The following TRIO variants were observed in gnomAD, a reference collection of about 807,000 sequenced individuals.
The protein encoded by TRIO is trio Rho guanine nucleotide exchange factor.
A neutral mutation model predicts 351.9 loss-of-function variants in TRIO; 58 were observed. The observed-to-expected ratio is 0.16, with a 90% CI of 0.13 to 0.21. TRIO has a LOEUF of 0.21. TRIO is among the 10% of genes least tolerant of loss of function. The probability of loss-of-function intolerance (pLI) is 1.00; values close to 1 mark genes in which losing one functional copy is unlikely to be tolerated. For missense variants in TRIO, 3,201 were observed against 4,027.8 expected, an observed-to-expected ratio of 0.79 and a Z score of 5.56; for synonymous variants, 1,758 against 1,595.7, an observed-to-expected ratio of 1.10 and a Z score of -2.42.
chr5:14,145,220 G>A (rs529122091), intron 1 of TRIO, among the ~76,000 whole-genome samples: 2 of 152,342 alleles, frequency 1.3e-5, no homozygotes, highest in South Asian at 4.1e-4. Flanking sequence ...GGGTCACGAG[G>A]AGCAATTGCA....
intron 49 of TRIO, among the ~76,000 whole-genome samples, chr5:14,494,958 G>A (rs1425284761): frequency 1.3e-5 from 2 of 152,246 alleles, no homozygotes; most frequent in African/African-American, 4.8e-5. Flanking sequence ...CATAGGCAGT[G>A]ATGCCTCCAG....
chr5:14,162,907 A>G (rs931244857), intron 1 of TRIO, among the ~76,000 whole-genome samples: 1 of 152,134 alleles, frequency 6.6e-6, no homozygotes, highest in Non-Finnish European at 1.5e-5. Context: ...CCCAGGTTCA[A>G]GTGATTCTCC....
At position 14,270,033 on chromosome 5, in the gene TRIO, C is replaced by T. The variant is rs139636355; in HGVS notation, c.158-792C>T. On this transcript the variant is annotated intron_variant, in intron 1 of 56. Coordinates refer to ENST00000344204, the MANE Select transcript of TRIO (RefSeq NM_007118.4). ...GGACATTTTGGACCCCAAATTCCCACGTAGGCATTCACCCTGGTGAGCTGG... is the reference window on the plus strand; with the variant it reads ...GGACATTTTGGACCCCAAATTCCCATGTAGGCATTCACCCTGGTGAGCTGG... Among the ~76,000 whole-genome samples, 654 of 152,328 alleles carry T rather than the reference C, an allele frequency of 4.3e-3. 4 individuals carry two copies. The highest frequency in any genetic ancestry group is 7.1e-3 in the Non-Finnish European group (483 of 68,030).
intron 36 of TRIO, among the ~76,000 whole-genome samples, chr5:14,463,658 G>A (rs1158758042): frequency 1.3e-5 from 2 of 149,170 alleles, no homozygotes; most frequent in African/African-American, 5.0e-5. Context: ...ATGCTATGAA[G>A]TCATTACTGG....
intron 1 of TRIO, among the ~76,000 whole-genome samples, chr5:14,245,171 C>G (rs1189669668): frequency 1.3e-5 from 2 of 152,210 alleles, no homozygotes; most frequent in African/African-American, 4.8e-5. Context: ...TGAACATCCA[C>G]TCGCCGTTCT....
chr5:14,196,450 T>TGTGAGTG (rs1174679715), intron 1 of TRIO, among the ~76,000 whole-genome samples: 1 of 149,676 alleles, frequency 6.7e-6, no homozygotes, highest in African/African-American at 2.5e-5. Flanking sequence ...AAGGATTTGC[T>TGTGAGTG]GTGAGTGGTG....
At position 14,496,997 on chromosome 5, in the gene TRIO, A is replaced by G. The variant is rs151253542; in HGVS notation, c.7999A>G (p.Ser2667Gly). The change falls in exon 50 of 57, where the codon AGC (serine) becomes GGC (glycine). Residue 2667 changes from serine (S) to glycine (G), a missense_variant. This residue lies in a region of TRIO where 1,089 missense variants were observed against 954.9 expected (regional missense o/e 1.14). Coordinates refer to ENST00000344204, the MANE Select transcript of TRIO (RefSeq NM_007118.4). Reference protein sequence around the residue: ...NGYRKSREGLSNKVSVKLLNP... With the variant: ...NGYRKSREGLGNKVSVKLLNP... ...TTATCGGAAGTCACGGGAAGGACTCAGCAACAAGGTATCTGTGAAGGTGTG... is the reference window on the plus strand; with the variant it reads ...TTATCGGAAGTCACGGGAAGGACTCGGCAACAAGGTATCTGTGAAGGTGTG... 1.1e-5 allele frequency: 17 copies of G among 1,614,124 alleles called. No homozygotes were observed. The highest frequency in any genetic ancestry group is 1.7e-5 in the Admixed American group (1 of 60,012).
intron 1 of TRIO, among the ~76,000 whole-genome samples, chr5:14,257,470 C>T (rs372458132): frequency 2.6e-5 from 4 of 151,436 alleles, no homozygotes; most frequent in East Asian, 1.9e-4. Context: ...GTTTTTTTGG[C>T]TCATGTGTTT....
intron 39 of TRIO, among the ~76,000 whole-genome samples, chr5:14,473,592 G>A (rs73749266): frequency 0.014 from 2,173 of 152,220 alleles, 52 homozygotes; most frequent in African/African-American, 0.05. Context: ...TTATTTAACC[G>A]ATTACACAAA....
At chr5:14,210,243 G>C (rs534000053) in intron 1 of TRIO, among the ~76,000 whole-genome samples, 5 of 152,234 alleles carry the variant, frequency 3.3e-5, no homozygotes, top group Non-Finnish European at 7.3e-5. Context: ...TAAACCACTG[G>C]TTACTTTTGA....
Position 14,369,255 on chromosome 5 carries a change from T to C in TRIO, c.3067-119T>C. 6 of 1,402,538 alleles carry C rather than the reference T, an allele frequency of 4.3e-6. No homozygotes were observed. The South Asian group carries it at 6.0e-5, about 14-fold the overall frequency. 86.9% of individuals were successfully genotyped at this position (1,402,538 alleles called of 1,614,324 possible). A position where few individuals can be genotyped will look rare whatever the true frequency, so the allele number is the denominator to read the frequency against. On this transcript the variant is annotated intron_variant, in intron 17 of 56. Transcript: ENST00000344204. ...AGGTGGAGCCCATGGCTCCTTCTTATGGTCTTGATCCTCCTGACAGCATCT... is the reference window on the plus strand; with the variant it reads ...AGGTGGAGCCCATGGCTCCTTCTTACGGTCTTGATCCTCCTGACAGCATCT...
At chr5:14,460,539 A>C (rs187653469) in intron 34 of TRIO, among the ~76,000 whole-genome samples, 6 of 152,330 alleles carry the variant, frequency 3.9e-5, no homozygotes, top group Admixed American at 3.9e-4. Context: ...AAACTAATGC[A>C]CTTCTGCGAC....
In TRIO at chr5:14,187,414, C is replaced by T. The variant is rs531003138; in HGVS notation, c.157+43532C>T. Among the ~76,000 whole-genome samples, 12 of 152,130 alleles carry T rather than the reference C, an allele frequency of 7.9e-5. No homozygotes were observed. In the South Asian group the frequency reaches 1.2e-3, roughly 16 times the overall value. On this transcript the variant is annotated intron_variant, in intron 1 of 56. Transcript: ENST00000344204. ...AGAATTGCCAGTCTTTCTGTATTAC[C>T]GAGAAATTGTAAACATCTGTGTTGT...
At chr5:14,321,543 CT>C (rs1382202248) in intron 9 of TRIO, among the ~76,000 whole-genome samples, 2 of 152,238 alleles carry the variant, frequency 1.3e-5, no homozygotes, top group African/African-American at 4.8e-5. Context: ...GCCCATTGAA[CT>C]TTACCCATTT....
At chr5:14,145,396 C>G (rs1158341452) in intron 1 of TRIO, among the ~76,000 whole-genome samples, 1 of 152,092 alleles carries the variant, frequency 6.6e-6, no homozygotes, top group Non-Finnish European at 1.5e-5. Flanking sequence ...CCAGTGTTAG[C>G]TTGGGGTTAA....
intron 1 of TRIO, among the ~76,000 whole-genome samples, chr5:14,262,333 A>G (rs1795397722): frequency 6.6e-6 from 1 of 151,690 alleles, no homozygotes; most frequent in Admixed American, 6.6e-5. Flanking sequence ...GGGGAGGGGA[A>G]GGCATGTGTA....
intron 21 of TRIO, among the ~76,000 whole-genome samples, chr5:14,385,239 T>A (rs1746437706): frequency 6.6e-6 from 1 of 152,222 alleles, no homozygotes; most frequent in African/African-American, 2.4e-5. Context: ...GGTCTCACAA[T>A]GTGTGTTACG....
chr5:14,321,598 C>T (rs1359920437), intron 9 of TRIO, among the ~76,000 whole-genome samples: 2 of 152,238 alleles, frequency 1.3e-5, no homozygotes, highest in African/African-American at 2.4e-5. Flanking sequence ...TATTCTGTGC[C>T]TTTTAACTTG....
chr5:14,445,393 G>A (rs185064343), intron 34 of TRIO, among the ~76,000 whole-genome samples: 4 of 152,326 alleles, frequency 2.6e-5, no homozygotes, highest in African/African-American at 2.4e-5. Context: ...CAGACAGAGC[G>A]AGCAGCAGAA....
Sources: allele counts gnomAD v4.1 joint callset (sites outside exome capture counted in the v4.1 genomes callset), GRCh38; gene constraint gnomAD v4.1.1; regional missense constraint gnomAD v4.1.1; transcripts MANE v1.5; gene names NCBI Gene and HGNC (gene_info 2026-07-23, HGNC 2026-07-21).